The following PALM2AKAP2 variants were observed in gnomAD, a reference collection of about 807,000 sequenced individuals.
The protein encoded by PALM2AKAP2 is PALM2-AKAP2 fusion protein.
In PALM2AKAP2, 37 loss-of-function variants were observed where a neutral mutation model predicts 71.5. The observed-to-expected ratio is 0.52, with a 90% CI of 0.40 to 0.68. The LOEUF (loss-of-function observed/expected upper bound fraction) is 0.68. PALM2AKAP2 is among the 30% of genes least tolerant of loss of function. The pLI is 0.00. For missense variants in PALM2AKAP2, 1,224 were observed against 1,191.8 expected (o/e 1.03, Z -0.40); for synonymous variants, 468 against 478.8 (o/e 0.98, Z 0.29).
chr9:109,984,236 A>G (rs768174882), intron 6 of PALM2AKAP2, among the ~76,000 whole-genome samples: 1 of 152,206 alleles, frequency 6.6e-6, no homozygotes, highest in African/African-American at 2.4e-5. Flanking sequence ...TCTCTAAATA[A>G]TGAATATATT....
At chr9:109,640,929 G>C in intron 1 of PALM2AKAP2, 2 of 1,472,432 alleles carry the variant, frequency 1.4e-6, no homozygotes. Flanking sequence ...TGGTGACCGC[G>C]GCGGCAGGCA....
chr9:109,678,014 A>G lies in PALM2AKAP2; in HGVS notation c.5+37148A>G, dbSNP rs537455762. Among the ~76,000 whole-genome samples, 5 of 152,334 alleles carry G rather than the reference A, an allele frequency of 3.3e-5. No homozygotes were observed. The East Asian group carries it at 9.6e-4, about 29-fold the overall frequency. ...ACAGGGAGCCTGCAAATTGCCTCTA[A>G]GCTTGTTAGTGGCCTGAGCAAGGAG... On this transcript the variant is annotated intron_variant, in intron 1 of 6. Coordinates refer to the PALM2AKAP2 transcript ENST00000374531.
At chr9:109,751,138 T>C (rs1009867438) in intron 1 of PALM2AKAP2, among the ~76,000 whole-genome samples, 1 of 152,166 alleles carries the variant, frequency 6.6e-6, no homozygotes, top group Non-Finnish European at 1.5e-5. Flanking sequence ...ATGATTTTCA[T>C]TCAGTATTCC....
Position 110,136,479 on chromosome 9 carries a change from CT to C in PALM2AKAP2, c.510del (p.Gly171ValfsTer9). On this transcript the variant is annotated frameshift_variant, in exon 2 of 4. Coordinates refer to ENST00000374525, the Ensembl canonical transcript of PALM2AKAP2. LOFTEE classifies it high-confidence loss of function. ...TACAATGGAACATCCTCCCCAGAGCCTGGTGCAGTGGTTCTGGTGGGCGGCC... is the reference window on the plus strand; with the variant it reads ...TACAATGGAACATCCTCCCCAGAGCCGGTGCAGTGGTTCTGGTGGGCGGCC... The C allele has an allele frequency of 6.2e-7, 1 of 1,614,192 alleles. No homozygotes were observed. The highest frequency in any genetic ancestry group is 8.5e-7 in the Non-Finnish European group (1 of 1,180,040).
At chr9:110,096,951 T>A (rs531651023) in intron 1 of PALM2AKAP2, among the ~76,000 whole-genome samples, 2 of 127,668 alleles carry the variant, frequency 1.6e-5, no homozygotes, top group African/African-American at 6.7e-5. Flanking sequence ...TTTATTTATT[T>A]ATTTATTTAT....
At chr9:110,109,134 A>G (rs1835181222) in intron 1 of PALM2AKAP2, among the ~76,000 whole-genome samples, 1 of 152,034 alleles carries the variant, frequency 6.6e-6, no homozygotes, top group African/African-American at 2.4e-5. Context: ...CCTTACCGAC[A>G]TGGAGAAACC....
chr9:109,760,592 A>G (rs1829035119), intron 1 of PALM2AKAP2: 1 of 152,070 alleles, frequency 6.6e-6, no homozygotes, highest in South Asian at 2.1e-4. Flanking sequence ...TGTTTTGTGG[A>G]CTCCTTCAGG....
chr9:110,105,646 T>C (rs1392346414), intron 1 of PALM2AKAP2, among the ~76,000 whole-genome samples: 1 of 152,236 alleles, frequency 6.6e-6, no homozygotes, highest in East Asian at 1.9e-4. Flanking sequence ...TGTTCATTGG[T>C]GCTTAACCCA....
intron 6 of PALM2AKAP2, among the ~76,000 whole-genome samples, chr9:109,967,953 A>G (rs1488701817): frequency 6.6e-6 from 1 of 152,376 alleles, no homozygotes; most frequent in East Asian, 1.9e-4. Flanking sequence ...ACACCAGATC[A>G]TAAGCTTCTT....
chr9:110,113,020 G>A (rs1835284398), intron 1 of PALM2AKAP2, among the ~76,000 whole-genome samples: 1 of 152,130 alleles, frequency 6.6e-6, no homozygotes, highest in Non-Finnish European at 1.5e-5. Flanking sequence ...AGTTTGACAG[G>A]GTACATTACC....
chr9:110,058,339 A>G (rs1833890063), intron 1 of PALM2AKAP2, among the ~76,000 whole-genome samples: 1 of 152,214 alleles, frequency 6.6e-6, no homozygotes. Context: ...CTCAAACAAT[A>G]ATATCAGGGA....
At chr9:109,879,233 A>G (rs1340529592) in intron 2 of PALM2AKAP2, among the ~76,000 whole-genome samples, 1 of 152,190 alleles carries the variant, frequency 6.6e-6, no homozygotes, top group East Asian at 1.9e-4. Context: ...ATGAGATCAA[A>G]CGAAATTCTG....
At chr9:110,104,180 T>TG (rs113036054) in intron 1 of PALM2AKAP2, among the ~76,000 whole-genome samples, 796 of 14,524 alleles carry the variant, frequency 0.055, 18 homozygotes, top group African/African-American at 0.19. Context: ...CTGCTTTTTT[T>TG]TGGGGGGGCG....
intron 6 of PALM2AKAP2, among the ~76,000 whole-genome samples, chr9:109,977,822 C>T (rs1056413616): frequency 4.6e-5 from 7 of 152,230 alleles, no homozygotes; most frequent in Admixed American, 4.6e-4. Flanking sequence ...AAACAGCTTC[C>T]TTTGACTCCC....
At chr9:109,861,282 G>A (rs1398009792) in intron 1 of PALM2AKAP2, among the ~76,000 whole-genome samples, 1 of 152,208 alleles carries the variant, frequency 6.6e-6, no homozygotes, top group African/African-American at 2.4e-5. Flanking sequence ...ACAGTCAGCA[G>A]GAGAGAAGAG....
At chr9:110,126,641 C>T (rs887681117) in intron 1 of PALM2AKAP2, among the ~76,000 whole-genome samples, 3 of 152,202 alleles carry the variant, frequency 2.0e-5, no homozygotes, top group Non-Finnish European at 4.4e-5. Context: ...CCGGAAGCCT[C>T]TCAGTCACTC....
chr9:109,741,741 T>A (rs945052949), intron 1 of PALM2AKAP2, among the ~76,000 whole-genome samples: 3 of 152,234 alleles, frequency 2.0e-5, no homozygotes, highest in Admixed American at 6.5e-5. Flanking sequence ...TTATAGGTCT[T>A]AGCATTTAGG....
chr9:109,817,441 A>C, intron 1 of PALM2AKAP2, among the ~76,000 whole-genome samples: 1 of 152,206 alleles, frequency 6.6e-6, no homozygotes, highest in East Asian at 1.9e-4. Flanking sequence ...AACCCCTATA[A>C]TTAGAGTTCA....
At chr9:109,781,255 T>A (rs1829444116) in intron 1 of PALM2AKAP2, among the ~76,000 whole-genome samples, 1 of 152,232 alleles carries the variant, frequency 6.6e-6, no homozygotes, top group Non-Finnish European at 1.5e-5. Context: ...AAGAACTCTC[T>A]GAGACTGCCT....
Sources: gnomAD v4.1 joint callset for allele counts (sites outside exome capture counted in the v4.1 genomes callset) on GRCh38, gnomAD v4.1.1 for gene constraint, MANE v1.5 for transcripts, NCBI Gene and HGNC (gene_info 2026-07-23, HGNC 2026-07-21) for gene names.